KIAA0586: variants seen among roughly 807,000 people sequenced by gnomAD.
KIAA0586 encodes the protein protein TALPID3.
KIAA0586 carries 144 observed loss-of-function variants against 169.8 expected under a neutral mutation model. That is an observed-to-expected ratio of 0.85 (90% confidence interval 0.74 to 0.97). KIAA0586 has a LOEUF of 0.97. KIAA0586 is among the 50% of genes least tolerant of loss of function. KIAA0586 has a pLI of 0.00. For synonymous variants in KIAA0586, 625 were observed against 612.4 expected (o/e 1.02, Z -0.30); for missense variants, 1,854 against 1,823.0 (o/e 1.02, Z -0.31).
At chr14:58,536,380 T>C (rs1216061039) in intron 29 of KIAA0586, among the ~76,000 whole-genome samples, 1 of 152,208 alleles carries the variant, frequency 6.6e-6, no homozygotes, top group Non-Finnish European at 1.5e-5. Context: ...CTCCCACTTA[T>C]AAGTGAGAAT....
intron 27 of KIAA0586, among the ~76,000 whole-genome samples, chr14:58,503,961 T>A (rs1221396857): frequency 2.6e-5 from 4 of 152,188 alleles, no homozygotes; most frequent in African/African-American, 9.6e-5. Context: ...TAAGGATCGC[T>A]TTGTATACAA....
At chr14:58,458,893 C>T (rs17094540) in intron 12 of KIAA0586, among the ~76,000 whole-genome samples, 2 of 151,938 alleles carry the variant, frequency 1.3e-5, no homozygotes, top group African/African-American at 2.4e-5. Context: ...GTAAAAATAC[C>T]AGAGTAATGC....
rs773064815 is a variant in KIAA0586, at chr14:58,442,791, A to G, written c.496A>G (p.Thr166Ala). The change falls in exon 5 of 31, where the codon ACT becomes GCT. Residue 166 changes from threonine to alanine, a missense_variant. Thr to Ala is a moderately conservative substitution (Grantham distance 58). Coordinates refer to ENST00000652326, the MANE Select transcript of KIAA0586 (RefSeq NM_001329943.3). Reference sequence around the variant, plus strand: ...AGAGAAGGATGCTGTTACTCAGGAGACTAGAATTTCACCCAGTGGAATTGA... The same window carrying G: ...AGAGAAGGATGCTGTTACTCAGGAGGCTAGAATTTCACCCAGTGGAATTGA... ...GIEKDAVTQETRISPSGIDSA... is the reference protein window; with the variant it reads ...GIEKDAVTQEARISPSGIDSA... 4 of 1,605,492 alleles carry G rather than the reference A, an allele frequency of 2.5e-6. No homozygotes were observed. In the South Asian group the frequency reaches 4.5e-5, roughly 18 times the overall value.
chr14:58,469,401 C>G (rs953989032), intron 16 of KIAA0586, among the ~76,000 whole-genome samples: 10 of 152,174 alleles, frequency 6.6e-5, no homozygotes, highest in African/African-American at 9.6e-5. Context: ...TCTCTTATAG[C>G]AGTCTTTGGG....
At chr14:58,441,764 G>A (rs1391574811) in intron 4 of KIAA0586, 1 of 152,502 alleles carries the variant, frequency 6.6e-6, no homozygotes, top group Non-Finnish European at 1.5e-5. Context: ...CTCGTGAGTA[G>A]CTGGGATTAC....
At chr14:58,451,832 C>A (rs374242999) in intron 8 of KIAA0586, among the ~76,000 whole-genome samples, 44 of 152,072 alleles carry the variant, frequency 2.9e-4, no homozygotes, top group African/African-American at 1.1e-3. Context: ...TACAGGCGCC[C>A]GCCACCACGC....
chr14:58,477,654 GT>G (rs1299801157), intron 20 of KIAA0586, among the ~76,000 whole-genome samples: 1 of 152,068 alleles, frequency 6.6e-6, no homozygotes, highest in Non-Finnish European at 1.5e-5. Flanking sequence ...TCATTGAATG[GT>G]TAAAATGAGC....
At position 58,519,619 on chromosome 14, in the gene KIAA0586, G is replaced by T. The variant is rs58449819; in HGVS notation, c.4429+6992G>T. Among the ~76,000 whole-genome samples the T allele has an allele frequency of 6.5e-4, 99 of 152,242 alleles. 1 individual carries two copies. The highest frequency in any genetic ancestry group is 3.4e-3 in the Middle Eastern group (1 of 294). On this transcript the variant is annotated intron_variant, in intron 29 of 30. Coordinates refer to ENST00000652326, the MANE Select transcript of KIAA0586 (RefSeq NM_001329943.3). Reference sequence around the variant, plus strand: ...GTGACTTAACAGCTTGTTGATAAGAGCTGCTTTTATCATCTCTATATTTCC... The same window carrying T: ...GTGACTTAACAGCTTGTTGATAAGATCTGCTTTTATCATCTCTATATTTCC...
chr14:58,482,492 A>ATTT, intron 20 of KIAA0586, 21 bp from the exon 21 acceptor site: 2 of 1,134,326 alleles, frequency 1.8e-6, no homozygotes, highest in Non-Finnish European at 2.4e-6. Context: ...ACTTATTCTG[A>ATTT]TTTTTTTTTT....
intron 4 of KIAA0586, among the ~76,000 whole-genome samples, chr14:58,438,751 G>T (rs536979028): frequency 2.0e-5 from 3 of 152,128 alleles, no homozygotes; most frequent in Non-Finnish European, 2.9e-5. Flanking sequence ...TACTTGCATT[G>T]CACCTTAAAG....
intron 26 of KIAA0586, among the ~76,000 whole-genome samples, chr14:58,497,547 T>C (rs2043243012): frequency 6.6e-6 from 1 of 151,318 alleles, no homozygotes; most frequent in Non-Finnish European, 1.5e-5. Context: ...TTTTTTTTAG[T>C]AGAGACGGGG....
In KIAA0586 at chr14:58,470,624, T is replaced by G; in HGVS notation, c.2454T>G (p.Ser818Arg). ...GTATTCTGTTTTAGGTATTACCCAG[T>G]GTAGATATTGACAGCATTTCAAATA... is the stretch of plus-strand genomic sequence containing the variant. ...PPQLTVQVLP[S>R]VDIDSISNSS... is the part of the protein sequence containing the mutation. The change falls in exon 17 of 31, where the codon AGT (serine) becomes AGG (arginine). Residue 818 changes from serine (S) to arginine (R), a missense_variant. Coordinates refer to ENST00000652326, the MANE Select transcript of KIAA0586 (RefSeq NM_001329943.3). 1 of 1,591,990 alleles carries G rather than the reference T, an allele frequency of 6.3e-7. No homozygotes were observed. The highest frequency in any genetic ancestry group is 8.6e-7 in the Non-Finnish European group (1 of 1,160,394).
chr14:58,524,796 A>C (rs1173477398), intron 29 of KIAA0586, among the ~76,000 whole-genome samples: 2 of 152,064 alleles, frequency 1.3e-5, no homozygotes, highest in Admixed American at 1.3e-4. Flanking sequence ...GCTCATTGCA[A>C]CCTCTGCCTC....
At chr14:58,508,780 C>G in intron 28 of KIAA0586, 71 bp downstream of exon 28, 1 of 1,182,954 alleles carries the variant, frequency 8.5e-7, no homozygotes, top group Non-Finnish European at 1.2e-6. Context: ...GCGTGGTACC[C>G]CGTCAAGAGC....
intron 27 of KIAA0586, among the ~76,000 whole-genome samples, chr14:58,506,795 A>G (rs2043979293): frequency 6.6e-6 from 1 of 152,184 alleles, no homozygotes. Context: ...TGCTATATCT[A>G]GGAAATTGTC....
intron 27 of KIAA0586, among the ~76,000 whole-genome samples, chr14:58,501,669 A>G (rs1442544299): frequency 1.3e-5 from 2 of 152,256 alleles, no homozygotes; most frequent in African/African-American, 4.8e-5. Context: ...TATGTAAGGC[A>G]GTATAGCAGA....
chr14:58,559,064 C>A, the KIAA0586 span, among the ~76,000 whole-genome samples: 1 of 152,184 alleles, frequency 6.6e-6, no homozygotes, highest in Non-Finnish European at 1.5e-5. Context: ...TTTACCAAGC[C>A]CTTCTAGATT....
chr14:58,460,309 T>A (rs1332545821), intron 13 of KIAA0586, among the ~76,000 whole-genome samples: 1 of 152,150 alleles, frequency 6.6e-6, no homozygotes, highest in Non-Finnish European at 1.5e-5. Context: ...GATTTTGTAG[T>A]TATAGCAGGT....
At chr14:58,445,285 C>CA (rs1459888062) in intron 6 of KIAA0586, among the ~76,000 whole-genome samples, 1 of 152,072 alleles carries the variant, frequency 6.6e-6, no homozygotes, top group East Asian at 1.9e-4. Context: ...ACCTGGTGTA[C>CA]ATGTTTGCTT....
Sources: gnomAD v4.1 joint callset for allele counts (sites outside exome capture counted in the v4.1 genomes callset) on GRCh38, gnomAD v4.1.1 for gene constraint, MANE v1.5 for transcripts, NCBI Gene and HGNC (gene_info 2026-07-23, HGNC 2026-07-21) for gene names.